DNM3: variants seen among roughly 807,000 people sequenced by gnomAD.
The protein encoded by DNM3 is dynamin-3.
In DNM3, 47 loss-of-function variants were observed where a neutral mutation model predicts 101.6. The ratio of observed to expected loss-of-function variants is 0.46; its 90% CI spans 0.37 to 0.59. DNM3 has a LOEUF of 0.59. Ranked by LOEUF, DNM3 falls within the 20% of genes least tolerant of loss-of-function variation. The pLI is 0.00. For synonymous variants in DNM3, 385 were observed against 387.9 expected, an observed-to-expected ratio of 0.99 and a Z score of 0.09; for missense variants, 849 against 1,085.7, an observed-to-expected ratio of 0.78 and a Z score of 3.06.
intron 14 of DNM3, among the ~76,000 whole-genome samples, chr1:172,162,322 A>G (rs1469507728): frequency 6.6e-6 from 1 of 152,058 alleles, no homozygotes; most frequent in East Asian, 1.9e-4. Flanking sequence ...TAGAGAATGC[A>G]TGATTTATAA....
chr1:172,082,036 T>C, intron 12 of DNM3, 134 bp downstream of exon 12: 1 of 905,832 alleles, frequency 1.1e-6, no homozygotes, highest in Non-Finnish European at 1.7e-6. Context: ...GTGTGCCTAC[T>C]TAGGAAGTCT....
At chr1:172,229,034 T>A (rs939590866) in intron 14 of DNM3, among the ~76,000 whole-genome samples, 11 of 152,186 alleles carry the variant, frequency 7.2e-5, no homozygotes, top group African/African-American at 2.7e-4. Context: ...TAACATCTTA[T>A]CTATATGCTA....
At position 171,921,783 on chromosome 1, in the gene DNM3, G is replaced by T; in HGVS notation, c.197G>T (p.Arg66Ile). ...CCTCGAGGGTCGGGCATTGTAACAA[G>T]ACGACCTCTTGTGCTGCAGCTTGTT... ...FLPRGSGIVT[R>I]RPLVLQLVTS... The change falls in exon 2 of 21, where the codon AGA (arginine) becomes ATA (isoleucine). Residue 66 changes from arginine (R) to isoleucine (I), a missense_variant. Physicochemically the swap from Arg to Ile is moderately conservative, Grantham distance 97. Transcript: ENST00000627582. 1 of 1,602,466 alleles carries T rather than the reference G, an allele frequency of 6.2e-7. No homozygotes were observed. The highest frequency in any genetic ancestry group is 1.7e-5 in the Admixed American group (1 of 58,542).
At chr1:171,953,395 C>T (rs563711804) in intron 2 of DNM3, among the ~76,000 whole-genome samples, 29 of 151,052 alleles carry the variant, frequency 1.9e-4, no homozygotes, top group African/African-American at 6.3e-4. Flanking sequence ...CTTAGGGAAG[C>T]ATTTAGCATG....
chr1:172,126,157 A>T (rs1182955953), intron 13 of DNM3, among the ~76,000 whole-genome samples: 2 of 152,192 alleles, frequency 1.3e-5, no homozygotes, highest in African/African-American at 4.8e-5. Flanking sequence ...GCTGATTGTT[A>T]TCAGAAAAAC....
At position 172,029,765 on chromosome 1, in the gene DNM3, GACAA is replaced by G. The variant is rs1476398091; in HGVS notation, c.590-2633_590-2630del. ...CAAGCATTCCTATACACCAATAAGA[GACAA>G]ACAGAGAACCAAATCATGCATGAAC... On this transcript the variant is annotated intron_variant, in intron 4 of 20. Transcript: ENST00000627582. Among the ~76,000 whole-genome samples, 8 of 152,036 alleles carry G rather than the reference GACAA, an allele frequency of 5.3e-5. 1 individual carries two copies. The highest frequency in any genetic ancestry group is 1.9e-4 in the African/African-American group (8 of 41,398).
At chr1:172,054,802 T>C (rs906885421) in intron 10 of DNM3, among the ~76,000 whole-genome samples, 1 of 151,968 alleles carries the variant, frequency 6.6e-6, no homozygotes, top group Admixed American at 6.6e-5. Context: ...CTACTAAAAA[T>C]ACAAAACTTA....
chr1:172,353,487 T>C (rs1278069064), intron 17 of DNM3, among the ~76,000 whole-genome samples: 1 of 152,148 alleles, frequency 6.6e-6, no homozygotes, highest in Non-Finnish European at 1.5e-5. Flanking sequence ...AGTAAAAATA[T>C]ATACAGAAGA....
chr1:172,030,591 A>C (rs2048530576), intron 4 of DNM3, among the ~76,000 whole-genome samples: 1 of 152,238 alleles, frequency 6.6e-6, no homozygotes, highest in African/African-American at 2.4e-5. Flanking sequence ...AGCAAAAGAA[A>C]CTATCATCAG....
intron 1 of DNM3, among the ~76,000 whole-genome samples, chr1:171,919,672 G>A (rs987649217): frequency 6.6e-6 from 1 of 152,114 alleles, no homozygotes; most frequent in Non-Finnish European, 1.5e-5. Context: ...AATGATTGTT[G>A]AAGCCATCTA....
intron 12 of DNM3, among the ~76,000 whole-genome samples, chr1:172,089,678 T>C (rs998540476): frequency 1.3e-5 from 2 of 152,200 alleles, no homozygotes; most frequent in African/African-American, 4.8e-5. Context: ...TTAGTGTTTT[T>C]TCTAACTCTA....
At chr1:172,220,951 C>T (rs2060885731) in intron 14 of DNM3, among the ~76,000 whole-genome samples, 1 of 152,060 alleles carries the variant, frequency 6.6e-6, no homozygotes. Context: ...ATTCTTATAA[C>T]ATTAGAAAGA....
intron 15 of DNM3, among the ~76,000 whole-genome samples, chr1:172,280,164 G>A (rs114050401): frequency 0.013 from 1,909 of 152,026 alleles, 44 homozygotes; most frequent in African/African-American, 0.044. Context: ...AGAAACTCCC[G>A]TGAGTCATGC....
At chr1:172,250,411 CTTCACATTAAAGA>C (rs1290716721) in intron 14 of DNM3, among the ~76,000 whole-genome samples, 1 of 152,124 alleles carries the variant, frequency 6.6e-6, no homozygotes, top group Non-Finnish European at 1.5e-5. Context: ...TTTTAAACCT[CTTCACATTAAAGA>C]GGTTAGTGGA....
chr1:172,253,153 A>G (rs1281936197), intron 14 of DNM3, among the ~76,000 whole-genome samples: 1 of 152,156 alleles, frequency 6.6e-6, no homozygotes, highest in East Asian at 1.9e-4. Flanking sequence ...TTAGGACCAG[A>G]ACATTTTTGT....
chr1:172,137,281 A>T lies in DNM3; in HGVS notation c.1659+5993A>T, dbSNP rs1572670756. ...TCCTGTTTATATTCTACATTTTGTAAGTATTGTTTAGGACTTTATTTGCTA... is the reference window on the plus strand; with the variant it reads ...TCCTGTTTATATTCTACATTTTGTATGTATTGTTTAGGACTTTATTTGCTA... On this transcript the variant is annotated intron_variant, in intron 14 of 20. Coordinates refer to ENST00000627582, the MANE Select transcript of DNM3 (RefSeq NM_015569.5). 3 of 152,298 alleles carry T rather than the reference A, an allele frequency of 2.0e-5. No homozygotes were observed. The South Asian group carries it at 6.2e-4, about 32-fold the overall frequency. The allele number at this position is 152,298 out of a possible 1,614,324, so 9.4% of individuals were successfully genotyped here. A position where few individuals can be genotyped will look rare whatever the true frequency, so the allele number is the denominator to read the frequency against.
At chr1:172,283,439 T>C (rs1239283237) in intron 15 of DNM3, among the ~76,000 whole-genome samples, 2 of 152,018 alleles carry the variant, frequency 1.3e-5, no homozygotes, top group African/African-American at 4.8e-5. Context: ...GCCTTTTCAG[T>C]CATTCCTCAA....
At chr1:172,193,382 A>G (rs2059814492) in intron 14 of DNM3, among the ~76,000 whole-genome samples, 1 of 152,120 alleles carries the variant, frequency 6.6e-6, no homozygotes. Context: ...CATAAAATGC[A>G]TTAGGGAGGA....
rs1263113197 is a variant in DNM3, at chr1:172,212,852, G to A, written c.1660-40721G>A. The stretch of plus-strand genomic sequence containing the variant: ...ACCAGTACTGGAAGAGAGAGAGAGT[G>A]CTTTTTGACTGATGTACTCTCGCCT... On this transcript the variant is annotated intron_variant, in intron 14 of 20. Coordinates refer to ENST00000627582, the MANE Select transcript of DNM3 (RefSeq NM_015569.5). Among the ~76,000 whole-genome samples the A allele has an allele frequency of 5.3e-5, 8 of 152,196 alleles. No homozygotes were observed. The South Asian group carries it at 1.5e-3, about 28-fold the overall frequency.
Sources: gnomAD v4.1 joint callset for allele counts (sites outside exome capture counted in the v4.1 genomes callset) on GRCh38, gnomAD v4.1.1 for gene constraint, MANE v1.5 for transcripts, NCBI Gene and HGNC (gene_info 2026-07-23, HGNC 2026-07-21) for gene names.